NBEA: variants seen among roughly 807,000 people sequenced by gnomAD.
NBEA encodes the protein neurobeachin.
In NBEA, 44 loss-of-function variants were observed where a neutral mutation model predicts 343.4. The observed-to-expected ratio is 0.13, with a 90% CI of 0.10 to 0.16. NBEA has a LOEUF of 0.16. Among genes scored for constraint, NBEA ranks in the 10% least tolerant of loss-of-function variants. The pLI, the probability that NBEA is intolerant of heterozygous loss-of-function variation, is 1.00. For missense variants in NBEA, 2,555 were observed against 3,631.3 expected, an observed-to-expected ratio of 0.70 and a Z score of 7.62; for synonymous variants, 1,175 against 1,238.7, an observed-to-expected ratio of 0.95 and a Z score of 1.08.
chr13:35,271,637 T>C (rs1183869722), intron 34 of NBEA, among the ~76,000 whole-genome samples: 2 of 152,306 alleles, frequency 1.3e-5, no homozygotes, highest in Non-Finnish European at 2.9e-5. Context: ...CTAACTAGAA[T>C]AACCAGTGTA....
intron 46 of NBEA, 57 bp downstream of exon 46, chr13:35,584,095 A>G: frequency 7.0e-7 from 1 of 1,424,950 alleles, no homozygotes; most frequent in South Asian, 1.2e-5. Context: ...TAACATAAGT[A>G]AATTAAATAA....
intron 38 of NBEA, among the ~76,000 whole-genome samples, chr13:35,388,496 G>A (rs2042355257): frequency 6.6e-6 from 1 of 152,036 alleles, no homozygotes; most frequent in African/African-American, 2.4e-5. Flanking sequence ...TATTTAATAT[G>A]TTATCTATTT....
intron 11 of NBEA, among the ~76,000 whole-genome samples, chr13:35,107,914 C>T (rs1000629132): frequency 2.0e-5 from 3 of 151,970 alleles, no homozygotes; most frequent in African/African-American, 7.2e-5. Context: ...AGTTTTGGTC[C>T]TCACCAATCT....
intron 38 of NBEA, among the ~76,000 whole-genome samples, chr13:35,396,708 C>G (rs1298577857): frequency 6.6e-6 from 1 of 152,022 alleles, no homozygotes; most frequent in Non-Finnish European, 1.5e-5. Context: ...TTGTTTACTC[C>G]CAGAACACTC....
At chr13:35,056,393 C>T (rs1339295562) in intron 7 of NBEA, among the ~76,000 whole-genome samples, 1 of 151,502 alleles carries the variant, frequency 6.6e-6, no homozygotes, top group African/African-American at 2.4e-5. Flanking sequence ...TGTTTTTTTC[C>T]AGCATCAAGC....
intron 47 of NBEA, among the ~76,000 whole-genome samples, chr13:35,599,922 T>C (rs1358815258): frequency 6.6e-6 from 1 of 152,196 alleles, no homozygotes; most frequent in East Asian, 1.9e-4. Context: ...AAAATACATC[T>C]GATTAGTTTA....
chr13:35,441,913 A>C (rs1394784892), intron 39 of NBEA, among the ~76,000 whole-genome samples: 1 of 151,298 alleles, frequency 6.6e-6, no homozygotes, highest in African/African-American at 2.4e-5. Flanking sequence ...CCCACTCTCA[A>C]GTTGTCCAGT....
chr13:35,578,448 G>C (rs2080851227), intron 45 of NBEA, among the ~76,000 whole-genome samples: 1 of 152,164 alleles, frequency 6.6e-6, no homozygotes, highest in African/African-American at 2.4e-5. Flanking sequence ...CTTGAGGACA[G>C]GAGTTCGAGA....
rs1038702864 is a variant in NBEA, at chr13:35,655,572, G to T, written c.8192-7G>T. 7 of 1,611,084 alleles carry T rather than the reference G, an allele frequency of 4.3e-6. No individual in the cohort carries two copies. In the African/African-American group the frequency reaches 9.4e-5, roughly 22 times the overall value. On this transcript the variant is annotated splice_polypyrimidine_tract_variant and splice_region_variant and intron_variant, in intron 54 of 58. Coordinates refer to ENST00000379939, the MANE Select transcript of NBEA (RefSeq NM_001385012.1). ...AATGAAGCAAACCTGTCATTTCTGT[G>T]TTGCAGGGAAATTGACTCAGATTGT...
At chr13:35,154,865 C>T (rs1422830977) in intron 18 of NBEA, among the ~76,000 whole-genome samples, 5 of 151,984 alleles carry the variant, frequency 3.3e-5, no homozygotes, top group African/African-American at 9.7e-5. Flanking sequence ...GTGGCTCATG[C>T]ATTTAATCCC....
chr13:35,227,686 G>A (rs143260365), intron 33 of NBEA, among the ~76,000 whole-genome samples: 5 of 151,834 alleles, frequency 3.3e-5, no homozygotes, highest in Admixed American at 1.3e-4. Context: ...CTTTCAAATC[G>A]AATTGTTGTT....
chr13:35,466,108 T>C (rs1341713625), intron 40 of NBEA, among the ~76,000 whole-genome samples: 5 of 152,170 alleles, frequency 3.3e-5, no homozygotes, highest in Non-Finnish European at 7.4e-5. Context: ...TAAGTTGAGT[T>C]TTTCAGATGT....
At chr13:35,108,800 G>A (rs1301174953) in intron 11 of NBEA, among the ~76,000 whole-genome samples, 1 of 152,036 alleles carries the variant, frequency 6.6e-6, no homozygotes, top group African/African-American at 2.4e-5. Context: ...TAGACATAGT[G>A]TTATATGAAG....
chr13:35,095,903 C>T (rs1488547128), intron 10 of NBEA, among the ~76,000 whole-genome samples: 2 of 151,902 alleles, frequency 1.3e-5, no homozygotes, highest in African/African-American at 4.8e-5. Context: ...TTTAGATCCT[C>T]TGCAGATGAA....
chr13:35,418,260 T>C (rs943318809), intron 38 of NBEA, among the ~76,000 whole-genome samples: 1 of 152,128 alleles, frequency 6.6e-6, no homozygotes, highest in African/African-American at 2.4e-5. Context: ...AATATTGTTA[T>C]GTGTTACTCT....
intron 38 of NBEA, among the ~76,000 whole-genome samples, chr13:35,396,125 G>T (rs746748710): frequency 2.0e-5 from 3 of 152,030 alleles, no homozygotes; most frequent in Non-Finnish European, 4.4e-5. Flanking sequence ...AGACTCCTGG[G>T]CTGAGATGAA....
chr13:35,595,335 A>G (rs2081737890), intron 47 of NBEA, among the ~76,000 whole-genome samples: 1 of 152,014 alleles, frequency 6.6e-6, no homozygotes, highest in African/African-American at 2.4e-5. Flanking sequence ...GAACACAAAC[A>G]TGCAGCTTTT....
intron 10 of NBEA, among the ~76,000 whole-genome samples, chr13:35,075,291 A>G (rs1487845528): frequency 6.6e-6 from 1 of 152,160 alleles, no homozygotes; most frequent in African/African-American, 2.4e-5. Flanking sequence ...TAGCGTCTGT[A>G]CATAGCATCT....
intron 31 of NBEA, among the ~76,000 whole-genome samples, chr13:35,205,285 T>G (rs963531786): frequency 6.6e-6 from 1 of 152,158 alleles, no homozygotes; most frequent in Non-Finnish European, 1.5e-5. Flanking sequence ...TACAGGTTCC[T>G]GCTTCTCTCA....
Sources: gnomAD v4.1 joint callset for allele counts (sites outside exome capture counted in the v4.1 genomes callset) on GRCh38, gnomAD v4.1.1 for gene constraint, MANE v1.5 for transcripts, NCBI Gene and HGNC (gene_info 2026-07-23, HGNC 2026-07-21) for gene names.